The following TENM3 variants were observed in gnomAD, a reference collection of about 807,000 sequenced individuals.
TENM3 encodes the protein teneurin transmembrane protein 3.
TENM3 carries 63 observed loss-of-function variants against 255.1 expected under a neutral mutation model. That is an observed-to-expected ratio of 0.25 (90% CI 0.20 to 0.30). The LOEUF is 0.30. Ranked by LOEUF, TENM3 falls within the 10% of genes least tolerant of loss-of-function variation. TENM3 has a pLI of 1.00. For missense variants in TENM3, 2,929 were observed against 3,461.1 expected, an observed-to-expected ratio of 0.85 and a Z score of 3.86; for synonymous variants, 1,306 against 1,322.3, an observed-to-expected ratio of 0.99 and a Z score of 0.27.
the TENM3 span, among the ~76,000 whole-genome samples, chr4:181,454,242 T>C: frequency 6.6e-6 from 1 of 152,082 alleles, no homozygotes; most frequent in Non-Finnish European, 1.5e-5. Context: ...GAAATACCCC[T>C]CAAGGTGCCC....
At chr4:182,549,552 A>C (rs1269816412) in intron 3 of TENM3, among the ~76,000 whole-genome samples, 3 of 152,198 alleles carry the variant, frequency 2.0e-5, no homozygotes, top group Admixed American at 6.5e-5. Flanking sequence ...TAGGCTTGTC[A>C]GCATCTGAGG....
chr4:182,299,304 C>T (rs1239280157), intron 1 of TENM3, among the ~76,000 whole-genome samples: 1 of 152,018 alleles, frequency 6.6e-6, no homozygotes, highest in Non-Finnish European at 1.5e-5. Context: ...TTTGATTGGC[C>T]ACTTTCTGAA....
At chr4:182,185,238 T>C (rs910479078) in intron 1 of TENM3, among the ~76,000 whole-genome samples, 10 of 152,324 alleles carry the variant, frequency 6.6e-5, no homozygotes, top group African/African-American at 2.4e-4. Flanking sequence ...GTAACCTATT[T>C]TCTCAGTTCT....
chr4:182,475,119 G>A (rs1214537049), intron 3 of TENM3, among the ~76,000 whole-genome samples: 1 of 152,274 alleles, frequency 6.6e-6, no homozygotes, highest in East Asian at 1.9e-4. Context: ...CACAACTGCT[G>A]TGGATCCAGC....
chr4:182,296,592 T>C (rs1354916420), intron 1 of TENM3, among the ~76,000 whole-genome samples: 2 of 152,234 alleles, frequency 1.3e-5, no homozygotes, highest in Non-Finnish European at 2.9e-5. Context: ...CTAGATTGCA[T>C]TGACTTGAAA....
chr4:181,602,469 T>A, the TENM3 span, among the ~76,000 whole-genome samples: 1 of 152,112 alleles, frequency 6.6e-6, no homozygotes, highest in Non-Finnish European at 1.5e-5. Context: ...TTTGCCAAGA[T>A]TTTTTTTGAG....
At chr4:181,930,466 G>A in the TENM3 span, among the ~76,000 whole-genome samples, 1 of 152,122 alleles carries the variant, frequency 6.6e-6, no homozygotes, top group Admixed American at 6.5e-5. Flanking sequence ...GACTAAACCA[G>A]GAAGAAGTCT....
chr4:182,589,626 A>C (rs893175609), intron 3 of TENM3, among the ~76,000 whole-genome samples: 1 of 152,102 alleles, frequency 6.6e-6, no homozygotes, highest in African/African-American at 2.4e-5. Context: ...CACTGAAAGC[A>C]AGGTTCGGTC....
chr4:182,296,680 C>T (rs576521644), intron 1 of TENM3, among the ~76,000 whole-genome samples: 1 of 152,328 alleles, frequency 6.6e-6, no homozygotes, highest in East Asian at 1.9e-4. Context: ...AAGTCTGCAT[C>T]TTTAGATTGC....
At chr4:181,781,204 A>G in the TENM3 span, among the ~76,000 whole-genome samples, 19 of 152,258 alleles carry the variant, frequency 1.2e-4, no homozygotes, top group Non-Finnish European at 2.5e-4. Flanking sequence ...TCTATAAATT[A>G]CCTTGGGCAG....
intron 3 of TENM3, among the ~76,000 whole-genome samples, chr4:182,557,003 C>G (rs1441548134): frequency 6.6e-6 from 1 of 152,170 alleles, no homozygotes; most frequent in Non-Finnish European, 1.5e-5. Flanking sequence ...AATCATACAT[C>G]TAATGTGTAC....
chr4:181,797,144 GT>G, the TENM3 span, among the ~76,000 whole-genome samples: 1,302 of 146,708 alleles, frequency 8.9e-3, 8 homozygotes, highest in African/African-American at 0.011. Context: ...AAAAGGGAGG[GT>G]TTTTTTTTTA....
the TENM3 span, among the ~76,000 whole-genome samples, chr4:181,786,898 C>T: frequency 2.6e-5 from 4 of 152,158 alleles, no homozygotes; most frequent in South Asian, 2.1e-4. Context: ...TTGTGACAAC[C>T]GTAAGACATA....
the TENM3 span, among the ~76,000 whole-genome samples, chr4:181,635,725 G>A: frequency 1.3e-5 from 2 of 152,136 alleles, no homozygotes; most frequent in Admixed American, 6.5e-5. Flanking sequence ...CCTTTTACAT[G>A]TTTACATATT....
the TENM3 span, among the ~76,000 whole-genome samples, chr4:182,090,099 C>G: frequency 6.6e-6 from 1 of 152,182 alleles, no homozygotes; most frequent in African/African-American, 2.4e-5. Context: ...GATAATCAGG[C>G]TCATGCTTTT....
At position 182,329,761 on chromosome 4, in the gene TENM3, A is replaced by G. The variant is rs1042284233; in HGVS notation, c.232+5509A>G. The stretch of plus-strand genomic sequence containing the variant: ...AAAAAATTAAAATCATAATTTACAA[A>G]CTAAAAATGGCAGCAGATTAGTTGA... On this transcript the variant is annotated intron_variant, in intron 2 of 27. Transcript: ENST00000511685. 5.9e-5 allele frequency among the ~76,000 whole-genome samples: 9 copies of G among 152,318 alleles called. No homozygotes were observed. The East Asian group carries it at 1.7e-3, about 29-fold the overall frequency.
At chr4:182,480,975 G>A (rs969202977) in intron 3 of TENM3, among the ~76,000 whole-genome samples, 2 of 151,836 alleles carry the variant, frequency 1.3e-5, no homozygotes, top group Admixed American at 1.3e-4. Context: ...CTTTTTTTCT[G>A]TTAAATACTA....
chr4:182,477,141 T>A (rs933733562), intron 3 of TENM3, among the ~76,000 whole-genome samples: 2 of 152,228 alleles, frequency 1.3e-5, no homozygotes, highest in Non-Finnish European at 2.9e-5. Context: ...TACAGTGTGC[T>A]AGAGGCAGCA....
At chr4:182,058,957 T>TGTGC in the TENM3 span, among the ~76,000 whole-genome samples, 2 of 150,980 alleles carry the variant, frequency 1.3e-5, no homozygotes, top group Admixed American at 1.3e-4. Flanking sequence ...TGTGTGTGTG[T>TGTGC]GTGTGTGTGT....
Sources: allele counts gnomAD v4.1 joint callset (sites outside exome capture counted in the v4.1 genomes callset), GRCh38; gene constraint gnomAD v4.1.1; transcripts MANE v1.5; gene names NCBI Gene and HGNC (gene_info 2026-07-23, HGNC 2026-07-21).